Variants in ZBED4 observed in about 807,000 individuals in gnomAD.
The protein encoded by ZBED4 is zinc finger BED domain-containing protein 4.
A neutral mutation model predicts 15.5 loss-of-function variants in ZBED4; 4 were observed. The ratio of observed to expected loss-of-function variants is 0.26; its 90% CI spans 0.13 to 0.59. The LOEUF is 0.59. Among genes scored for constraint, ZBED4 ranks in the 20% least tolerant of loss-of-function variants. ZBED4 has a pLI of 0.90. For missense variants in ZBED4, 1,323 were observed against 1,461.8 expected (o/e 0.91, Z 1.55); for synonymous variants, 692 against 608.5 (o/e 1.14, Z -2.02).
rs58224171 is a variant in ZBED4, at chr22:49,871,757, ATTTTT to A, written c.-329-11566_-329-11562del. Reference sequence around the variant, plus strand: ...GCTGTGACAATTTATTTATTTATTTATTTTTTTTTTTTTTTGAGACAGAGTCTTAC... The same window carrying A: ...GCTGTGACAATTTATTTATTTATTTATTTTTTTTTTGAGACAGAGTCTTAC... On this transcript the variant is annotated intron_variant, in intron 1 of 1. Coordinates refer to ENST00000216268, the MANE Select transcript of ZBED4 (RefSeq NM_014838.3). 2.1e-3 allele frequency among the ~76,000 whole-genome samples: 133 copies of A among 62,170 alleles called. 1 individual carries two copies. The highest frequency in any genetic ancestry group is 3.9e-3 in the African/African-American group (127 of 32,236). The allele number at this position is 62,170 out of a possible 152,430, so 40.8% of individuals were successfully genotyped here. A position where few individuals can be genotyped will look rare whatever the true frequency, so the allele number is the denominator to read the frequency against.
intron 1 of ZBED4, among the ~76,000 whole-genome samples, chr22:49,854,208 G>C (rs1008978206): frequency 2.0e-5 from 3 of 147,322 alleles, no homozygotes; most frequent in African/African-American, 7.3e-5. Context: ...TGGCGCGGGG[G>C]CGGCGCCGAC....
chr22:49,861,991 T>A lies in ZBED4; in HGVS notation c.-330+8002T>A, dbSNP rs142010643. On this transcript the variant is annotated intron_variant, in intron 1 of 1. Transcript: ENST00000216268. ...CCTGTCAGCACTGTGGGAGAGGGCC[T>A]GACCAACAGAGGGCATTACTAAGCA... Among the ~76,000 whole-genome samples, 8 of 152,336 alleles carry A rather than the reference T, an allele frequency of 5.3e-5. No homozygotes were observed. The East Asian group carries it at 1.5e-3, about 29-fold the overall frequency.
rs140613157 is a variant in ZBED4, at chr22:49,886,102, G to A, written c.2440G>A (p.Gly814Arg). ...GITVTDNASI[G>R]KTLNEGEHSS... ...CACCGTCACCGACAACGCCAGCATC[G>A]GGAAGACGCTGAACGAGGGGGAGCA... The change falls in exon 2 of 2, where the codon GGG becomes AGG. Residue 814 changes from glycine to arginine, a missense_variant. Around this residue, in one of 6 missense-constraint regions of ZBED4, gnomAD observed 100 missense variants for 79.3 expected, o/e 1.26. Transcript: ENST00000216268. This position sits in a 1 kb window ranked among gnomAD's most constrained non-coding sequence, Gnocchi z 7.7. The A allele has an allele frequency of 2.0e-4, 139 of 680,362 alleles. No homozygotes were observed. Among genetic ancestry groups the A allele is most frequent in the Non-Finnish European group, 3.4e-4 (124 of 370,058 alleles). The allele number at this position is 680,362 out of a possible 1,614,324, so 42.1% of individuals were successfully genotyped here.
At chr22:49,863,256 C>A (rs1397813398) in intron 1 of ZBED4, among the ~76,000 whole-genome samples, 8 of 152,226 alleles carry the variant, frequency 5.3e-5, no homozygotes, top group African/African-American at 1.9e-4. Flanking sequence ...TGCTCCCGGG[C>A]TCAAGTGATT....
chr22:49,885,975 C>G lies in ZBED4; in HGVS notation c.2313C>G (p.Asp771Glu). Residue 771 changes from aspartate (D) to glutamate (E), a missense_variant, in exon 2 of 2, where the codon GAC becomes GAG. Asp to Glu is a conservative substitution (Grantham distance 45). Transcript: ENST00000216268. ...CDDHHCSALLDVSQVDCDYSG... is the reference protein window; with the variant it reads ...CDDHHCSALLEVSQVDCDYSG... ...ACCACCACTGCTCGGCGCTGTTGGA[C>G]GTGTCGCAGGTGGACTGCGACTACA... 1.4e-6 allele frequency: 1 copy of G among 706,900 alleles called. No individual in the cohort carries two copies. The highest frequency in any genetic ancestry group is 2.2e-5 in the Admixed American group (1 of 44,762). The allele number at this position is 706,900 out of a possible 1,614,324, so 43.8% of individuals were successfully genotyped here. A position where few individuals can be genotyped will look rare whatever the true frequency, so the allele number is the denominator to read the frequency against.
At chr22:49,875,394 C>A (rs180897453) in intron 1 of ZBED4, among the ~76,000 whole-genome samples, 1 of 149,110 alleles carries the variant, frequency 6.7e-6, no homozygotes, top group Non-Finnish European at 1.5e-5. Flanking sequence ...TTGTCCATTT[C>A]ATCTGAGTTG....
In ZBED4 at chr22:49,887,817, C is replaced by T. The variant is rs555419633; in HGVS notation, c.*639C>T. On this transcript the variant is annotated 3_prime_UTR_variant, in exon 2 of 2. Coordinates refer to ENST00000216268, the MANE Select transcript of ZBED4 (RefSeq NM_014838.3). ...AGAACTTTCCCATTTCAGGTTTCTG[C>T]ATTCAGGCTTTACATGGTCAGTTAA... 2.9e-4 allele frequency: 49 copies of T among 167,398 alleles called. 1 individual carries two copies. Among genetic ancestry groups the T allele is most frequent in the Non-Finnish European group, 4.8e-4 (33 of 68,152 alleles). The allele number at this position is 167,398 out of a possible 1,614,324, so 10.4% of individuals were successfully genotyped here.
Position 49,887,411 on chromosome 22 carries a change from A to G in ZBED4, c.*233A>G, listed in dbSNP as rs772554387. On this transcript the variant is annotated 3_prime_UTR_variant, in exon 2 of 2. Transcript: ENST00000216268. ...CTAGAAATAGCTTGTCCTGTCAACT[A>G]TGAAATATGGTGACTAGATTTTAAT... 7.1e-6 allele frequency: 3 copies of G among 422,866 alleles called. No individual in the cohort carries two copies. Among genetic ancestry groups the G allele is most frequent in the Non-Finnish European group, 8.8e-6 (2 of 228,330 alleles). 26.2% of individuals were successfully genotyped at this position (422,866 alleles called of 1,614,324 possible).
At position 49,884,527 on chromosome 22, in the gene ZBED4, G is replaced by C; in HGVS notation, c.865G>C (p.Ala289Pro). The change falls in exon 2 of 2, where the codon GCT becomes CCT. Residue 289 changes from alanine to proline, a missense_variant. Coordinates refer to ENST00000216268, the MANE Select transcript of ZBED4 (RefSeq NM_014838.3). ...KSTSGSRRRS[A>P]VWKHFYLSPL... is the part of the protein sequence containing the mutation. ...CACCTCTGGGTCCAGGAGAAGGTCC[G>C]CTGTCTGGAAGCACTTCTACCTGTC... is the stretch of plus-strand genomic sequence containing the variant. 1.2e-6 allele frequency: 2 copies of C among 1,614,030 alleles called. No homozygotes were observed. Among genetic ancestry groups the C allele is most frequent in the Non-Finnish European group, 1.7e-6 (2 of 1,179,982 alleles).
At chr22:49,877,826 G>A (rs1032756378) in intron 1 of ZBED4, among the ~76,000 whole-genome samples, 1 of 151,980 alleles carries the variant, frequency 6.6e-6, no homozygotes, top group African/African-American at 2.4e-5. Context: ...CCCTCCTCCC[G>A]CCAGCACAGA....
rs2060448244 is a variant in ZBED4 at position 49,887,830 on chromosome 22, CATGG to C, written c.*653_*656del. The C allele has an allele frequency of 6.0e-6, 1 of 167,278 alleles. No homozygotes were observed. The highest frequency in any genetic ancestry group is 1.5e-5 in the Non-Finnish European group (1 of 68,146). The allele number at this position is 167,278 out of a possible 1,614,324, so 10.4% of individuals were successfully genotyped here. ...TTCAGGTTTCTGCATTCAGGCTTTA[CATGG>C]TCAGTTAACTCAGAGATACCCCAGC... On this transcript the variant is annotated 3_prime_UTR_variant, in exon 2 of 2. Transcript: ENST00000216268.
At chr22:49,874,430 G>C (rs761105741) in intron 1 of ZBED4, among the ~76,000 whole-genome samples, 28 of 151,060 alleles carry the variant, frequency 1.9e-4, no homozygotes, top group Admixed American at 3.3e-4. Context: ...CTATCTCCCA[G>C]GCTGGAGTGC....
At position 49,885,838 on chromosome 22, in the gene ZBED4, G is replaced by A. The variant is rs1309537465; in HGVS notation, c.2176G>A (p.Gly726Ser). Residue 726 changes from glycine to serine, a missense_variant, in exon 2 of 2, where the codon GGT becomes AGT. Physicochemically the swap from Gly to Ser is moderately conservative, Grantham distance 56. Coordinates refer to ENST00000216268, the MANE Select transcript of ZBED4 (RefSeq NM_014838.3). ...GTCCCACCTTAAGGAAGCTGAGAGT[G>A]GTGTGATCCACTTCACGTCTGGAAT... ...IMSHLKEAES[G>S]VIHFTSGIWM... The A allele has an allele frequency of 3.9e-6, 6 of 1,521,690 alleles. No individual in the cohort carries two copies. Among genetic ancestry groups the A allele is most frequent in the Non-Finnish European group, 5.5e-6 (6 of 1,096,548 alleles). 94.3% of individuals were successfully genotyped at this position (1,521,690 alleles called of 1,614,324 possible). A position where few individuals can be genotyped will look rare whatever the true frequency, so the allele number is the denominator to read the frequency against.
At chr22:49,854,029 G>C (rs1392456890) in intron 1 of ZBED4, 40 bp downstream of exon 1, 1 of 145,328 alleles carries the variant, frequency 6.9e-6, no homozygotes, top group African/African-American at 2.5e-5. Flanking sequence ...CCTGCCGCGA[G>C]CCCCGTCCCC....
At chr22:49,878,388 C>T (rs1024064287) in intron 1 of ZBED4, among the ~76,000 whole-genome samples, 1 of 150,910 alleles carries the variant, frequency 6.6e-6, no homozygotes, top group African/African-American at 2.4e-5. Flanking sequence ...AGCTGGGTTA[C>T]GTGGTCAGTA....
chr22:49,864,904 T>C (rs1569158145), intron 1 of ZBED4, among the ~76,000 whole-genome samples: 4 of 129,674 alleles, frequency 3.1e-5, no homozygotes, highest in Non-Finnish European at 4.6e-5. Context: ...GTTCAGATGC[T>C]CCTTGATTGA....
Position 49,866,542 on chromosome 22 carries a change from C to T in ZBED4, c.-330+12553C>T, listed in dbSNP as rs1195396961. On this transcript the variant is annotated intron_variant, in intron 1 of 1. Coordinates refer to ENST00000216268, the MANE Select transcript of ZBED4 (RefSeq NM_014838.3). ...TTTTGTGGGACCTATAATCTCACAT[C>T]AGAATTTTTCTATCCTGATTTATGT... Among the ~76,000 whole-genome samples the T allele has an allele frequency of 4.8e-4, 73 of 152,208 alleles. 1 individual carries two copies. The highest frequency in any genetic ancestry group is 7.4e-5 in the Non-Finnish European group (5 of 68,012).
rs1292181970 is a variant in ZBED4, at chr22:49,883,434, A to G, written c.-229A>G. The G allele has an allele frequency of 3.7e-5, 18 of 480,032 alleles. No homozygotes were observed. The highest frequency in any genetic ancestry group is 6.3e-5 in the Non-Finnish European group (18 of 286,610). 29.7% of individuals were successfully genotyped at this position (480,032 alleles called of 1,614,324 possible). On this transcript the variant is annotated 5_prime_UTR_variant, in exon 2 of 2. It removes an upstream start codon present in the reference 5' UTR. Transcript: ENST00000216268. ...TGCTGCACACATTGTTGTCTACACCATGAGTGTTTAGTAGCAGGACTCTTG... is the reference window on the plus strand; with the variant it reads ...TGCTGCACACATTGTTGTCTACACCGTGAGTGTTTAGTAGCAGGACTCTTG...
intron 1 of ZBED4, among the ~76,000 whole-genome samples, chr22:49,867,519 C>T (rs1186869812): frequency 6.6e-6 from 1 of 152,180 alleles, no homozygotes; most frequent in African/African-American, 2.4e-5. Context: ...GGAGTTTTTG[C>T]CCCAGAAAGA....
Sources: gnomAD v4.1 joint callset for allele counts (sites outside exome capture counted in the v4.1 genomes callset) on GRCh38, gnomAD v4.1.1 for gene constraint, gnomAD v4.1.1 regional missense constraint, Gnocchi (gnomAD v3.1) non-coding constraint, MANE v1.5 for transcripts, NCBI Gene and HGNC (gene_info 2026-07-23, HGNC 2026-07-21) for gene names.